The following SGCD variants were observed in gnomAD, a reference collection of about 807,000 sequenced individuals.
SGCD encodes delta-sarcoglycan.
Under a neutral mutation model 36.6 loss-of-function variants are expected in SGCD, and 18 were observed. That is an observed-to-expected ratio of 0.49 (90% CI 0.34 to 0.73). SGCD has a LOEUF of 0.73. SGCD is among the 30% of genes least tolerant of loss of function. The probability of loss-of-function intolerance (pLI) is 0.01; values close to 1 mark genes in which losing one functional copy is unlikely to be tolerated. For missense variants in SGCD, 387 were observed against 346.7 expected (o/e 1.12, Z -0.92); for synonymous variants, 133 against 130.6 (o/e 1.02, Z -0.12).
intron 3 of SGCD, among the ~76,000 whole-genome samples, chr5:156,214,497 A>G (rs1431398090): frequency 6.6e-6 from 1 of 152,036 alleles, no homozygotes; most frequent in African/African-American, 2.4e-5. Context: ...GTGTTTATGG[A>G]TTGGAAGAAT....
At chr5:156,021,415 G>A (rs1182589781) in intron 1 of SGCD, among the ~76,000 whole-genome samples, 1 of 152,146 alleles carries the variant, frequency 6.6e-6, no homozygotes, top group Non-Finnish European at 1.5e-5. Flanking sequence ...ATCTACTTGG[G>A]AAGTTAAGGT....
At chr5:155,802,095 T>C in the SGCD span, among the ~76,000 whole-genome samples, 1 of 152,162 alleles carries the variant, frequency 6.6e-6, no homozygotes, top group Non-Finnish European at 1.5e-5. Context: ...CTGGGTCAGA[T>C]GAAGTGTTTT....
the SGCD span, among the ~76,000 whole-genome samples, chr5:155,756,828 T>C: frequency 6.6e-6 from 1 of 152,310 alleles, no homozygotes; most frequent in African/African-American, 2.4e-5. Flanking sequence ...AAGCTCACAT[T>C]GAAATCGGCA....
intron 6 of SGCD, among the ~76,000 whole-genome samples, chr5:156,622,535 G>A (rs1762293100): frequency 7.2e-6 from 1 of 139,604 alleles, no homozygotes; most frequent in African/African-American, 2.7e-5. Flanking sequence ...CCATAACAAA[G>A]ACAGATTTTT....
intron 3 of SGCD, among the ~76,000 whole-genome samples, chr5:156,454,554 A>G (rs1164906006): frequency 6.6e-6 from 1 of 152,182 alleles, no homozygotes; most frequent in East Asian, 1.9e-4. Flanking sequence ...GATGCTCTTC[A>G]GTCATTGGCC....
chr5:156,143,166 G>T (rs1386406036), intron 3 of SGCD, among the ~76,000 whole-genome samples: 2 of 152,204 alleles, frequency 1.3e-5, no homozygotes, highest in South Asian at 2.1e-4. Context: ...TACAACTCAG[G>T]CCACTGCTTC....
intron 1 of SGCD, among the ~76,000 whole-genome samples, chr5:155,989,986 A>G (rs572580315): frequency 6.2e-4 from 95 of 152,294 alleles, no homozygotes; most frequent in African/African-American, 2.3e-3. Flanking sequence ...CTTTTGTTCA[A>G]TTTCTTCACT....
At chr5:156,601,946 G>C (rs1029003348) in intron 6 of SGCD, among the ~76,000 whole-genome samples, 1 of 152,152 alleles carries the variant, frequency 6.6e-6, no homozygotes, top group African/African-American at 2.4e-5. Context: ...CTCCCAAAGT[G>C]CTGGGATTGC....
At chr5:156,540,612 A>T (rs1200358628) in intron 4 of SGCD, among the ~76,000 whole-genome samples, 2 of 152,110 alleles carry the variant, frequency 1.3e-5, no homozygotes, top group East Asian at 3.9e-4. Context: ...TAGACCTTAA[A>T]CTTGTCATTA....
chr5:156,423,341 T>TATATTTTATTATAATATA (rs1554102080), intron 3 of SGCD, among the ~76,000 whole-genome samples: 554 of 13,920 alleles, frequency 0.04, 17 homozygotes, highest in Middle Eastern at 0.17. Flanking sequence ...TATAATATAA[T>TATATTTTATTATAATATA]ATATTATAAT....
At chr5:155,971,616 A>G (rs1475117992) in intron 1 of SGCD, among the ~76,000 whole-genome samples, 1 of 152,134 alleles carries the variant, frequency 6.6e-6, no homozygotes, top group Non-Finnish European at 1.5e-5. Context: ...ACCTGCCTGC[A>G]GATGCAATTG....
intron 7 of SGCD, among the ~76,000 whole-genome samples, chr5:156,684,400 C>G (rs1431658992): frequency 6.6e-6 from 1 of 152,174 alleles, no homozygotes; most frequent in Non-Finnish European, 1.5e-5. Context: ...ACACCTTGAC[C>G]TCTGTTTTGC....
the SGCD span, among the ~76,000 whole-genome samples, chr5:155,736,058 G>A: frequency 7.7e-4 from 117 of 152,230 alleles, 1 homozygote; most frequent in African/African-American, 2.7e-3. Flanking sequence ...GGGATGCTTT[G>A]GAGTATGACC....
intron 3 of SGCD, among the ~76,000 whole-genome samples, chr5:156,273,422 G>T (rs1766230458): frequency 6.6e-6 from 1 of 152,146 alleles, no homozygotes; most frequent in Non-Finnish European, 1.5e-5. Flanking sequence ...TTACAACATG[G>T]ATATTTTGCT....
At chr5:156,509,677 C>G (rs995956133) in intron 4 of SGCD, among the ~76,000 whole-genome samples, 6 of 152,212 alleles carry the variant, frequency 3.9e-5, no homozygotes, top group African/African-American at 1.4e-4. Flanking sequence ...CAAGCCTTCT[C>G]TGTTAACCAT....
At chr5:156,023,209 G>T (rs918816940) in intron 1 of SGCD, among the ~76,000 whole-genome samples, 1 of 152,212 alleles carries the variant, frequency 6.6e-6, no homozygotes, top group African/African-American at 2.4e-5. Context: ...CCAACAGGGT[G>T]CCTGGCACAT....
chr5:156,617,654 A>ATTCACGTAACTTAT (rs1762068659), intron 6 of SGCD, among the ~76,000 whole-genome samples: 1 of 152,202 alleles, frequency 6.6e-6, no homozygotes, highest in Admixed American at 6.5e-5. Flanking sequence ...CAGAGAGTCT[A>ATTCACGTAACTTAT]TTCACGTAAC....
At chr5:155,737,768 G>T in the SGCD span, among the ~76,000 whole-genome samples, 123 of 152,300 alleles carry the variant, frequency 8.1e-4, no homozygotes, top group Middle Eastern at 3.4e-3. Flanking sequence ...CAGTCTGTCA[G>T]CAGATTGTTG....
At chr5:156,684,102 A>G (rs1331776772) in intron 7 of SGCD, among the ~76,000 whole-genome samples, 1 of 152,228 alleles carries the variant, frequency 6.6e-6, no homozygotes, top group African/African-American at 2.4e-5. Context: ...ATAGTAGGTC[A>G]TTAACAAACA....
Sources: gnomAD v4.1 joint callset for allele counts (sites outside exome capture counted in the v4.1 genomes callset) on GRCh38, gnomAD v4.1.1 for gene constraint, MANE v1.5 for transcripts, NCBI Gene and HGNC (gene_info 2026-07-23, HGNC 2026-07-21) for gene names.